The following ULK4 variants were observed in gnomAD, a reference collection of about 807,000 sequenced individuals.
ULK4 encodes unc-51 like kinase 4.
A neutral mutation model predicts 160.6 loss-of-function variants in ULK4; 133 were observed. That is an observed-to-expected ratio of 0.83 (90% CI 0.72 to 0.96). The LOEUF (loss-of-function observed/expected upper bound fraction) is 0.96. ULK4 is among the 40% of genes least tolerant of loss of function. The probability of loss-of-function intolerance (pLI) is 0.00; values close to 1 mark genes in which losing one functional copy is unlikely to be tolerated. For synonymous variants in ULK4, 534 were observed against 539.8 expected (o/e 0.99, Z 0.15); for missense variants, 1,580 against 1,499.5 (o/e 1.05, Z -0.89).
chr3:41,505,694 ATTAATT>A (rs2085350702), intron 32 of ULK4, among the ~76,000 whole-genome samples: 1 of 152,136 alleles, frequency 6.6e-6, no homozygotes, highest in African/African-American at 2.4e-5. Context: ...TAAACTGCTT[ATTAATT>A]TTAATAGTTC....
At chr3:41,583,025 G>A (rs1253340957) in intron 31 of ULK4, among the ~76,000 whole-genome samples, 1 of 152,152 alleles carries the variant, frequency 6.6e-6, no homozygotes, top group Non-Finnish European at 1.5e-5. Context: ...GATGGGGTGG[G>A]AGAGGGAATA....
At chr3:41,257,563 G>C (rs2078856819) in intron 35 of ULK4, among the ~76,000 whole-genome samples, 1 of 151,536 alleles carries the variant, frequency 6.6e-6, no homozygotes, top group African/African-American at 2.4e-5. Flanking sequence ...AGCCTGGGAG[G>C]TCAAGGCTTC....
At chr3:41,867,711 T>A (rs1696946495) in intron 17 of ULK4, among the ~76,000 whole-genome samples, 1 of 152,216 alleles carries the variant, frequency 6.6e-6, no homozygotes, top group Non-Finnish European at 1.5e-5. Flanking sequence ...TTCCAGGCAA[T>A]TGTGATGCAC....
intron 32 of ULK4, among the ~76,000 whole-genome samples, chr3:41,558,368 G>A (rs1024187092): frequency 1.5e-4 from 23 of 151,850 alleles, no homozygotes; most frequent in Non-Finnish European, 2.9e-4. Context: ...TCTTAGGGGA[G>A]GAAAAAAATA....
intron 27 of ULK4, among the ~76,000 whole-genome samples, chr3:41,697,073 T>C (rs974820789): frequency 4.6e-5 from 7 of 152,204 alleles, no homozygotes; most frequent in Non-Finnish European, 8.8e-5. Flanking sequence ...AACTGTAAGA[T>C]AATAAATTTG....
intron 34 of ULK4, among the ~76,000 whole-genome samples, chr3:41,424,831 C>CAAAA (rs36097613): frequency 8.0e-5 from 5 of 62,378 alleles, no homozygotes; most frequent in Admixed American, 3.9e-4. Flanking sequence ...AAGAAATCAT[C>CAAAA]AAAAAAAAAA....
At chr3:41,894,101 A>G (rs943727898) in intron 16 of ULK4, among the ~76,000 whole-genome samples, 1 of 152,208 alleles carries the variant, frequency 6.6e-6, no homozygotes, top group African/African-American at 2.4e-5. Context: ...ATCCAAGGGG[A>G]TACTAAAACC....
At position 41,566,038 on chromosome 3, in the gene ULK4, T is replaced by C. The variant is rs1356700703; in HGVS notation, c.3213A>G (p.Leu1071=). 2 of 1,613,428 alleles carry C rather than the reference T, an allele frequency of 1.2e-6. No individual in the cohort carries two copies. The highest frequency in any genetic ancestry group is 1.7e-6 in the Non-Finnish European group (2 of 1,179,702). ...LVACKDSNME[L]LYEQGLVSHI... ...TGAGGCATTTACCTTGTTCATAAAG[T>C]AGTTCCATATTCGAATCTTTGCAGG... is the stretch of plus-strand genomic sequence containing the variant. The change falls in exon 32 of 37, where the codon CTA becomes CTG. Residue 1071 remains leucine, a synonymous_variant. Transcript: ENST00000301831.
chr3:41,718,589 T>C (rs1476707040), intron 22 of ULK4, among the ~76,000 whole-genome samples: 1 of 151,740 alleles, frequency 6.6e-6, no homozygotes, highest in Admixed American at 6.6e-5. Flanking sequence ...AAGTTCCCAT[T>C]CCCCCCAACT....
Position 41,322,220 on chromosome 3 carries a change from T to C in ULK4, c.3679-72646A>G, listed in dbSNP as rs569815974. 4.4e-4 allele frequency among the ~76,000 whole-genome samples: 55 copies of C among 126,188 alleles called. 6 individuals carry two copies. The highest frequency in any genetic ancestry group is 1.6e-3 in the African/African-American group (47 of 29,906). The allele number at this position is 126,188 out of a possible 152,430, so 82.8% of individuals were successfully genotyped here. On this transcript the variant is annotated intron_variant, in intron 35 of 36. Coordinates refer to ENST00000301831, the MANE Select transcript of ULK4 (RefSeq NM_017886.4). ...CTCCTTTTTGTAATTTTAGTAGAGA[T>C]GGGGTTTCACCCTGTTGGCCAGGCT...
chr3:41,438,506 C>T (rs2083086601), intron 34 of ULK4, among the ~76,000 whole-genome samples: 1 of 152,080 alleles, frequency 6.6e-6, no homozygotes, highest in Non-Finnish European at 1.5e-5. Context: ...AGATAGTTAT[C>T]CCCATGGGTC....
intron 35 of ULK4, among the ~76,000 whole-genome samples, chr3:41,396,336 CA>C (rs11369245): frequency 3.3e-5 from 5 of 150,096 alleles, no homozygotes; most frequent in Admixed American, 6.6e-5. Flanking sequence ...TTCTAAGTTT[CA>C]AAAAAAAAAT....
intron 30 of ULK4, among the ~76,000 whole-genome samples, chr3:41,652,567 A>C (rs1250858153): frequency 2.6e-5 from 4 of 152,224 alleles, no homozygotes; most frequent in Non-Finnish European, 5.9e-5. Flanking sequence ...AGTGGGAGAA[A>C]GAAGAGGCTG....
chr3:41,386,476 C>T (rs2081812248), intron 35 of ULK4, among the ~76,000 whole-genome samples: 1 of 152,130 alleles, frequency 6.6e-6, no homozygotes. Context: ...CCAGTTTTCT[C>T]AAAAGTCAGG....
At chr3:41,842,484 A>G (rs2041958361) in intron 17 of ULK4, among the ~76,000 whole-genome samples, 1 of 152,162 alleles carries the variant, frequency 6.6e-6, no homozygotes. Context: ...AGGTATTTGT[A>G]TGATGGGGCA....
chr3:41,647,598 C>T (rs1160092779), intron 30 of ULK4, among the ~76,000 whole-genome samples: 3 of 152,190 alleles, frequency 2.0e-5, no homozygotes, highest in South Asian at 2.1e-4. Flanking sequence ...TGTCAGTCTG[C>T]CCCTACTCGG....
intron 18 of ULK4, among the ~76,000 whole-genome samples, chr3:41,827,101 T>C (rs1404138413): frequency 6.7e-6 from 1 of 148,968 alleles, no homozygotes; most frequent in Non-Finnish European, 1.5e-5. Flanking sequence ...AAGATGTTCT[T>C]TGAAACCAAC....
intron 32 of ULK4, among the ~76,000 whole-genome samples, chr3:41,513,338 G>A (rs1009459197): frequency 6.6e-6 from 1 of 152,170 alleles, no homozygotes; most frequent in East Asian, 1.9e-4. Context: ...CACAGCAATA[G>A]AAATAATCAG....
At chr3:41,610,894 T>G (rs999485875) in intron 31 of ULK4, among the ~76,000 whole-genome samples, 4 of 152,230 alleles carry the variant, frequency 2.6e-5, no homozygotes, top group Non-Finnish European at 5.9e-5. Context: ...ATTAAAATGA[T>G]TTACTGAAGT....
Sources: allele counts gnomAD v4.1 joint callset (sites outside exome capture counted in the v4.1 genomes callset), GRCh38; gene constraint gnomAD v4.1.1; transcripts MANE v1.5; gene names NCBI Gene and HGNC (gene_info 2026-07-23, HGNC 2026-07-21).